BTF3L4: variants seen among roughly 807,000 people sequenced by gnomAD.
BTF3L4 encodes the protein basic transcription factor 3 like 4.
A neutral mutation model predicts 16.8 loss-of-function variants in BTF3L4; 6 were observed. The observed-to-expected ratio is 0.36, with a 90% CI of 0.20 to 0.71. BTF3L4 has a LOEUF of 0.71. Ranked by LOEUF, BTF3L4 falls within the 30% of genes least tolerant of loss-of-function variation. The pLI, the probability that BTF3L4 is intolerant of heterozygous loss-of-function variation, is 0.58. For missense variants in BTF3L4, 92 were observed against 186.9 expected (o/e 0.49, Z 2.96); for synonymous variants, 39 against 59.8 (o/e 0.65, Z 1.60).
chr1:52,072,301 G>A (rs1686811236), intron 3 of BTF3L4, among the ~76,000 whole-genome samples: 1 of 152,008 alleles, frequency 6.6e-6, no homozygotes, highest in Admixed American at 6.6e-5. Flanking sequence ...TGATCCGCCT[G>A]CCTTGGCCTC....
intron 3 of BTF3L4, among the ~76,000 whole-genome samples, chr1:52,067,542 A>G (rs558822218): frequency 6.6e-6 from 1 of 152,272 alleles, no homozygotes; most frequent in African/African-American, 2.4e-5. Context: ...GCTTTTATAT[A>G]TTTTCATGGA....
chr1:52,067,625 A>ACC (rs1278740884), intron 3 of BTF3L4, among the ~76,000 whole-genome samples: 1 of 152,170 alleles, frequency 6.6e-6, no homozygotes, highest in African/African-American at 2.4e-5. Context: ...GTCCTTTCAA[A>ACC]CCTCTTTTTA....
At chr1:52,075,908 AC>A (rs1014850664) in intron 3 of BTF3L4, among the ~76,000 whole-genome samples, 11 of 151,846 alleles carry the variant, frequency 7.2e-5, no homozygotes, top group African/African-American at 2.4e-4. Context: ...CAGGTGATCC[AC>A]CCGCCTCAGC....
At chr1:52,068,966 T>C (rs1686718302) in intron 3 of BTF3L4, among the ~76,000 whole-genome samples, 1 of 152,208 alleles carries the variant, frequency 6.6e-6, no homozygotes, top group African/African-American at 2.4e-5. Context: ...ATAGCACTTA[T>C]TAAATTATAT....
chr1:52,077,675 C>T (rs1372440177), intron 3 of BTF3L4, among the ~76,000 whole-genome samples: 1 of 152,150 alleles, frequency 6.6e-6, no homozygotes, highest in African/African-American at 2.4e-5. Flanking sequence ...TTAGCAAGAG[C>T]TATGGAGTCA....
chr1:52,076,031 C>T (rs2124435911), intron 3 of BTF3L4, among the ~76,000 whole-genome samples: 1 of 152,318 alleles, frequency 6.6e-6, no homozygotes, highest in South Asian at 2.1e-4. Flanking sequence ...ACTCTTCATG[C>T]ATTTTGTCAA....
chr1:52,084,321 T>C (rs934684202), intron 4 of BTF3L4, among the ~76,000 whole-genome samples: 17 of 152,168 alleles, frequency 1.1e-4, no homozygotes, highest in Admixed American at 2.6e-4. Flanking sequence ...TTTTGTATTT[T>C]TAGTATACAC....
chr1:52,066,679 T>TA (rs1248817727), intron 3 of BTF3L4, among the ~76,000 whole-genome samples: 3 of 149,446 alleles, frequency 2.0e-5, no homozygotes, highest in Non-Finnish European at 4.4e-5. Context: ...CCGTCTCTAC[T>TA]AAAAATTAAA....
At chr1:52,061,774 G>A (rs1190023513) in intron 2 of BTF3L4, among the ~76,000 whole-genome samples, 16 of 150,788 alleles carry the variant, frequency 1.1e-4, no homozygotes. Flanking sequence ...CTGAGTAGCT[G>A]GGATTACAGG....
At chr1:52,078,193 T>C (rs900918207) in intron 3 of BTF3L4, among the ~76,000 whole-genome samples, 2 of 150,438 alleles carry the variant, frequency 1.3e-5, no homozygotes, top group African/African-American at 4.9e-5. Flanking sequence ...GCTAAGACTA[T>C]AGACATGTAC....
At chr1:52,075,931 TAGGGATTAC>T (rs1686922200) in intron 3 of BTF3L4, among the ~76,000 whole-genome samples, 1 of 152,120 alleles carries the variant, frequency 6.6e-6, no homozygotes, top group Non-Finnish European at 1.5e-5. Context: ...TCCCGAAGCG[TAGGGATTAC>T]AGGAGTGAGC....
intron 3 of BTF3L4, among the ~76,000 whole-genome samples, chr1:52,077,089 G>T (rs1163869742): frequency 6.6e-6 from 1 of 152,064 alleles, no homozygotes; most frequent in Non-Finnish European, 1.5e-5. Flanking sequence ...GATCCCTTGA[G>T]CCCAGGAGTT....
At chr1:52,086,443 T>C in intron 5 of BTF3L4, 1 of 481,668 alleles carries the variant, frequency 2.1e-6, no homozygotes. Flanking sequence ...AACATTTCTG[T>C]ATGAATTATA....
chr1:52,082,293 T>C (rs570419851), intron 3 of BTF3L4, among the ~76,000 whole-genome samples: 13 of 152,326 alleles, frequency 8.5e-5, no homozygotes, highest in Non-Finnish European at 1.5e-5. Context: ...ATAGTTCATA[T>C]TGGTGAAAGT....
chr1:52,069,464 A>G (rs1686730998), intron 3 of BTF3L4, among the ~76,000 whole-genome samples: 1 of 152,182 alleles, frequency 6.6e-6, no homozygotes, highest in Non-Finnish European at 1.5e-5. Context: ...TATGATTTTC[A>G]GAAACACTCA....
intron 1 of BTF3L4, among the ~76,000 whole-genome samples, chr1:52,056,985 G>C (rs145550192): frequency 6.6e-6 from 1 of 152,262 alleles, no homozygotes; most frequent in Non-Finnish European, 1.5e-5. Context: ...TACCATAGTT[G>C]TCCCCTCGGG....
At chr1:52,073,626 A>G (rs1279699035) in intron 3 of BTF3L4, among the ~76,000 whole-genome samples, 1 of 128,778 alleles carries the variant, frequency 7.8e-6, no homozygotes, top group Non-Finnish European at 1.6e-5. Flanking sequence ...GCTGAGGTGG[A>G]AGGATTGCTT....
intron 3 of BTF3L4, chr1:52,065,271 T>TC (rs1686616459): frequency 6.4e-6 from 1 of 156,708 alleles, no homozygotes; most frequent in Non-Finnish European, 1.4e-5. Flanking sequence ...ATAGACCTTT[T>TC]TTTTTTTTTT....
chr1:52,082,754 A>G (rs78647025), intron 3 of BTF3L4, among the ~76,000 whole-genome samples: 1 of 143,322 alleles, frequency 7.0e-6, no homozygotes, highest in Admixed American at 7.1e-5. Context: ...AAAAAAAAAA[A>G]TTAGAAGAAC....
Sources: gnomAD v4.1 joint callset for allele counts (sites outside exome capture counted in the v4.1 genomes callset) on GRCh38, gnomAD v4.1.1 for gene constraint, MANE v1.5 for transcripts, NCBI Gene and HGNC (gene_info 2026-07-23, HGNC 2026-07-21) for gene names.